Variants in ATXN1 observed in about 807,000 individuals in gnomAD.
The protein encoded by ATXN1 is ataxin 1.
In ATXN1, 8 loss-of-function variants were observed where a neutral mutation model predicts 56.4. The ratio of observed to expected loss-of-function variants is 0.14; its 90% CI spans 0.08 to 0.26. ATXN1 has a LOEUF of 0.26. ATXN1 is among the 10% of genes least tolerant of loss of function. The probability of loss-of-function intolerance (pLI) is 1.00; values close to 1 mark genes in which losing one functional copy is unlikely to be tolerated. For missense variants in ATXN1, 987 were observed against 1,106.5 expected (o/e 0.89, Z 1.53); for synonymous variants, 514 against 494.6 (o/e 1.04, Z -0.52).
intron 3 of ATXN1, among the ~76,000 whole-genome samples, chr6:16,630,614 C>T (rs1211242439): frequency 6.6e-6 from 1 of 152,180 alleles, no homozygotes; most frequent in Non-Finnish European, 1.5e-5. Flanking sequence ...AAATAAGCAA[C>T]AACCTTACCT....
chr6:16,479,276 A>T (rs899186685), intron 6 of ATXN1, among the ~76,000 whole-genome samples: 11 of 152,172 alleles, frequency 7.2e-5, no homozygotes, highest in African/African-American at 2.7e-4. Context: ...TTGCTATCAC[A>T]CCTCAAAATC....
rs879854928 is a variant in ATXN1, at chr6:16,468,898, GA to G, written c.-161+17073del. Reference sequence around the variant, plus strand: ...TCGATGCTTCTTCTGAATAGAAGCAGAAAAAAAAAAAAGGTAGGACTGTGAT... The same window carrying G: ...TCGATGCTTCTTCTGAATAGAAGCAGAAAAAAAAAAAGGTAGGACTGTGAT... On this transcript the variant is annotated intron_variant, in intron 6 of 7. Coordinates refer to ENST00000436367, the MANE Select transcript of ATXN1 (RefSeq NM_001128164.2). Among the ~76,000 whole-genome samples the G allele has an allele frequency of 5.0e-3, 694 of 139,204 alleles. 3 individuals carry two copies. Among genetic ancestry groups the G allele is most frequent in the Non-Finnish European group, 7.5e-3 (478 of 63,640 alleles). 91.3% of individuals were successfully genotyped at this position (139,204 alleles called of 152,430 possible).
chr6:16,510,090 T>C (rs985645093), intron 5 of ATXN1, among the ~76,000 whole-genome samples: 2 of 152,226 alleles, frequency 1.3e-5, no homozygotes, highest in Non-Finnish European at 2.9e-5. Flanking sequence ...TACTTTTATA[T>C]ACAGTTTATC....
chr6:16,300,200 G>A lies in ATXN1; in HGVS notation c.*6129C>T, dbSNP rs760676186. On this transcript the variant is annotated 3_prime_UTR_variant, in exon 8 of 8. Coordinates refer to ENST00000436367, the MANE Select transcript of ATXN1 (RefSeq NM_001128164.2). The stretch of plus-strand genomic sequence containing the variant: ...GGGTGAAGCCTCCAATGTATCTGCA[G>A]TGGAAGACTTGAGTCCTTTCAGATA... The A allele has an allele frequency of 6.6e-6, 1 of 152,580 alleles. No individual in the cohort carries two copies. The highest frequency in any genetic ancestry group is 1.5e-5 in the Non-Finnish European group (1 of 68,044). 9.5% of individuals were successfully genotyped at this position (152,580 alleles called of 1,614,324 possible).
intron 3 of ATXN1, among the ~76,000 whole-genome samples, chr6:16,631,779 T>A (rs1441563655): frequency 1.3e-5 from 2 of 152,228 alleles, no homozygotes; most frequent in Admixed American, 1.3e-4. Context: ...TTGTTTCAGA[T>A]CCCACCACTT....
chr6:16,355,044 G>T (rs1031320743), intron 6 of ATXN1, among the ~76,000 whole-genome samples: 6 of 152,210 alleles, frequency 3.9e-5, no homozygotes, highest in Middle Eastern at 3.2e-3. Context: ...TCCTCTCTTG[G>T]TGGAGAGGTA....
chr6:16,608,724 C>T (rs750108753), intron 3 of ATXN1, among the ~76,000 whole-genome samples: 13 of 152,144 alleles, frequency 8.5e-5, no homozygotes, highest in Non-Finnish European at 1.3e-4. Context: ...GACCATGCAG[C>T]GTGATACTCC....
chr6:16,549,488 G>A (rs1761876482), intron 4 of ATXN1, among the ~76,000 whole-genome samples: 2 of 152,210 alleles, frequency 1.3e-5, no homozygotes, highest in African/African-American at 2.4e-5. Context: ...GCACATGGCT[G>A]TAAAAAGCCA....
At chr6:16,645,027 A>ATGACCTT (rs2113824806) in intron 3 of ATXN1, among the ~76,000 whole-genome samples, 1 of 152,358 alleles carries the variant, frequency 6.6e-6, no homozygotes, top group South Asian at 2.1e-4. Flanking sequence ...TTCACTGGCC[A>ATGACCTT]TGACCTTTGA....
At chr6:16,741,670 T>G (rs1760343942) in intron 2 of ATXN1, among the ~76,000 whole-genome samples, 1 of 152,196 alleles carries the variant, frequency 6.6e-6, no homozygotes, top group South Asian at 2.1e-4. Context: ...TGATATGAAC[T>G]GTGTCATGGA....
intron 6 of ATXN1, among the ~76,000 whole-genome samples, chr6:16,379,036 T>C (rs546823962): frequency 6.6e-6 from 1 of 152,272 alleles, no homozygotes; most frequent in Admixed American, 6.5e-5. Flanking sequence ...ATTGAGTGGA[T>C]AAAGGAACTG....
chr6:16,611,244 T>C lies in ATXN1; in HGVS notation c.-488-25337A>G, dbSNP rs949776894. ...AGAATAAAATGTGTTAATCTTATCT[T>C]ATACAGGGAGGAGGTATGGTCAGCC... is the stretch of plus-strand genomic sequence containing the variant. On this transcript the variant is annotated intron_variant, in intron 3 of 7. Transcript: ENST00000436367. Among the ~76,000 whole-genome samples, 16 of 152,294 alleles carry C rather than the reference T, an allele frequency of 1.1e-4. 1 individual carries two copies. Among genetic ancestry groups the C allele is most frequent in the Admixed American group, 9.2e-4 (14 of 15,286 alleles).
rs931075616 is a variant in ATXN1 at position 16,456,964 on chromosome 6, T to C, written c.-161+29008A>G. Among the ~76,000 whole-genome samples, 4 of 152,268 alleles carry C rather than the reference T, an allele frequency of 2.6e-5. No individual in the cohort carries two copies. The East Asian group carries it at 7.7e-4, about 29-fold the overall frequency. ...CTAGGATAGGAGGAGACTCAGAAAT[T>C]ATATCCTTCCTATTCATATGATAAG... On this transcript the variant is annotated intron_variant, in intron 6 of 7. Coordinates refer to ENST00000436367, the MANE Select transcript of ATXN1 (RefSeq NM_001128164.2).
At chr6:16,591,030 T>C (rs1762713012) in intron 3 of ATXN1, among the ~76,000 whole-genome samples, 1 of 152,036 alleles carries the variant, frequency 6.6e-6, no homozygotes, top group African/African-American at 2.4e-5. Flanking sequence ...TTAGTAGAGA[T>C]GGGGTTTCTC....
At chr6:16,643,713 T>C (rs1212986934) in intron 3 of ATXN1, among the ~76,000 whole-genome samples, 1 of 148,538 alleles carries the variant, frequency 6.7e-6, no homozygotes, top group Non-Finnish European at 1.5e-5. Context: ...TCGGGCCAAA[T>C]AGGAGTTAAA....
chr6:16,644,202 A>G (rs1763759784), intron 3 of ATXN1, among the ~76,000 whole-genome samples: 1 of 152,200 alleles, frequency 6.6e-6, no homozygotes, highest in Non-Finnish European at 1.5e-5. Flanking sequence ...GGAAATGTAC[A>G]TAATGCCACT....
At chr6:16,663,162 T>C (rs1213831632) in intron 2 of ATXN1, among the ~76,000 whole-genome samples, 9 of 151,868 alleles carry the variant, frequency 5.9e-5, no homozygotes, top group African/African-American at 1.9e-4. Context: ...AGAGACGGGG[T>C]TTCACCATGT....
chr6:16,613,306 A>G (rs1033480107), intron 3 of ATXN1, among the ~76,000 whole-genome samples: 1 of 151,034 alleles, frequency 6.6e-6, no homozygotes, highest in African/African-American at 2.4e-5. Context: ...TTATTTTAAA[A>G]GGCTATTAAT....
At chr6:16,547,745 C>T (rs1252938865) in intron 4 of ATXN1, among the ~76,000 whole-genome samples, 1 of 152,118 alleles carries the variant, frequency 6.6e-6, no homozygotes, top group Non-Finnish European at 1.5e-5. Context: ...CGGTAATAGC[C>T]TCAGAGGGAG....
Sources: gnomAD v4.1 joint callset for allele counts (sites outside exome capture counted in the v4.1 genomes callset) on GRCh38, gnomAD v4.1.1 for gene constraint, MANE v1.5 for transcripts, NCBI Gene and HGNC (gene_info 2026-07-23, HGNC 2026-07-21) for gene names.